EPC1: variants seen among roughly 807,000 people sequenced by gnomAD.
EPC1 encodes enhancer of polycomb homolog 1.
A neutral mutation model predicts 98.4 loss-of-function variants in EPC1; 12 were observed. The observed-to-expected ratio is 0.12, with a 90% CI of 0.08 to 0.20. EPC1 has a LOEUF of 0.20. EPC1 is among the 10% of genes least tolerant of loss of function. The pLI, the probability that EPC1 is intolerant of heterozygous loss-of-function variation, is 1.00. For missense variants in EPC1, 729 were observed against 990.5 expected (o/e 0.74, Z 3.54); for synonymous variants, 357 against 363.9 (o/e 0.98, Z 0.21).
At chr10:32,318,101 A>G (rs1454131348) in intron 1 of EPC1, among the ~76,000 whole-genome samples, 4 of 152,154 alleles carry the variant, frequency 2.6e-5, no homozygotes, top group African/African-American at 9.7e-5. Context: ...GCCCAGTGTG[A>G]TGTGTGACAA....
chr10:32,357,581 CT>C (rs1376658601), intron 1 of EPC1, among the ~76,000 whole-genome samples: 2 of 152,168 alleles, frequency 1.3e-5, no homozygotes, highest in Admixed American at 1.3e-4. Context: ...CTGCCTCAGC[CT>C]TCAGTAGCTG....
At chr10:32,306,430 T>C (rs914368878) in intron 1 of EPC1, among the ~76,000 whole-genome samples, 1 of 152,166 alleles carries the variant, frequency 6.6e-6, no homozygotes, top group Non-Finnish European at 1.5e-5. Flanking sequence ...ACTGACAGAC[T>C]CAAATCCTGG....
chr10:32,286,411 C>T, intron 9 of EPC1: 1 of 434,584 alleles, frequency 2.3e-6, no homozygotes. Flanking sequence ...TTGTCTTCAT[C>T]TGTTGCCCTT....
intron 13 of EPC1, among the ~76,000 whole-genome samples, chr10:32,270,609 G>A (rs1238598503): frequency 6.6e-6 from 1 of 152,056 alleles, no homozygotes; most frequent in Non-Finnish European, 1.5e-5. Context: ...CTGACCACCT[G>A]AGGTCAGGGG....
intron 1 of EPC1, among the ~76,000 whole-genome samples, chr10:32,360,383 G>A (rs1439556788): frequency 1.3e-5 from 2 of 152,182 alleles, no homozygotes; most frequent in Non-Finnish European, 2.9e-5. Context: ...AGCTCCCAGG[G>A]GGTCAAGGCC....
intron 1 of EPC1, among the ~76,000 whole-genome samples, chr10:32,318,368 C>A (rs1285874980): frequency 6.6e-6 from 1 of 152,104 alleles, no homozygotes; most frequent in East Asian, 1.9e-4. Flanking sequence ...TCTAAAAGTG[C>A]TTATATAATC....
At chr10:32,331,695 A>G (rs952259135) in intron 1 of EPC1, among the ~76,000 whole-genome samples, 1 of 152,254 alleles carries the variant, frequency 6.6e-6, no homozygotes, top group East Asian at 1.9e-4. Context: ...TTTATTTACC[A>G]TGTGAATTAT....
At chr10:32,314,044 A>C (rs1369513494) in intron 1 of EPC1, among the ~76,000 whole-genome samples, 1 of 152,200 alleles carries the variant, frequency 6.6e-6, no homozygotes, top group Non-Finnish European at 1.5e-5. Context: ...TTCACAATTA[A>C]TTGCTGTAAC....
intron 1 of EPC1, among the ~76,000 whole-genome samples, chr10:32,365,683 T>G (rs1325079458): frequency 2.0e-5 from 3 of 147,838 alleles, no homozygotes; most frequent in Admixed American, 1.4e-4. Flanking sequence ...TGGCTGGGCA[T>G]AGTGGTGCAC....
chr10:32,285,891 A>G (rs1836655467), intron 9 of EPC1: 1 of 152,188 alleles, frequency 6.6e-6, no homozygotes, highest in African/African-American at 2.4e-5. Context: ...ACTGCTCCTG[A>G]TGTCAGCAGT....
At chr10:32,343,957 C>T (rs1431065396) in intron 1 of EPC1, among the ~76,000 whole-genome samples, 1 of 152,080 alleles carries the variant, frequency 6.6e-6, no homozygotes, top group Non-Finnish European at 1.5e-5. Flanking sequence ...AAAAAAACTG[C>T]CCTCACCTTT....
chr10:32,353,644 T>C (rs1161011659), intron 1 of EPC1, among the ~76,000 whole-genome samples: 1 of 152,210 alleles, frequency 6.6e-6, no homozygotes, highest in Non-Finnish European at 1.5e-5. Context: ...GGTCTCTACA[T>C]CCTCACGGGA....
intron 1 of EPC1, among the ~76,000 whole-genome samples, chr10:32,315,141 T>A (rs1313737183): frequency 6.6e-6 from 1 of 152,208 alleles, no homozygotes; most frequent in Admixed American, 6.5e-5. Context: ...GGACTGTAAA[T>A]CTTTTAAGGT....
intron 6 of EPC1, among the ~76,000 whole-genome samples, chr10:32,289,913 C>T (rs144535242): frequency 2.6e-4 from 39 of 152,232 alleles, no homozygotes; most frequent in Non-Finnish European, 4.4e-4. Flanking sequence ...CATGAACCAC[C>T]GTGCCCGGCC....
At chr10:32,314,723 C>T (rs1371353739) in intron 1 of EPC1, among the ~76,000 whole-genome samples, 1 of 152,056 alleles carries the variant, frequency 6.6e-6, no homozygotes, top group Non-Finnish European at 1.5e-5. Flanking sequence ...GTTAAGAAGC[C>T]AGAAATATTT....
At chr10:32,368,071 C>T (rs1564569481) in intron 1 of EPC1, among the ~76,000 whole-genome samples, 1 of 152,320 alleles carries the variant, frequency 6.6e-6, no homozygotes, top group East Asian at 1.9e-4. Context: ...CTTCTCTTTA[C>T]TCCGCCATCA....
chr10:32,290,762 A>T (rs901766548), intron 6 of EPC1, among the ~76,000 whole-genome samples: 1 of 151,198 alleles, frequency 6.6e-6, no homozygotes, highest in African/African-American at 2.4e-5. Flanking sequence ...TGGGGTATAT[A>T]TGTATTTTTC....
Position 32,305,482 on chromosome 10 carries a change from A to G in EPC1, c.313+290T>C, listed in dbSNP as rs552319063. 9.3e-4 allele frequency among the ~76,000 whole-genome samples: 137 copies of G among 147,910 alleles called. 1 individual carries two copies. The highest frequency in any genetic ancestry group is 3.2e-3 in the African/African-American group (134 of 41,248). The stretch of plus-strand genomic sequence containing the variant: ...ATATTATTAATTCTAAACAGGAAGA[A>G]AACTATTTCTATATCTGAGTTTTTT... On this transcript the variant is annotated intron_variant, in intron 2 of 13. Transcript: ENST00000319778.
chr10:32,354,058 CTGAG>C (rs1839201017), intron 1 of EPC1, among the ~76,000 whole-genome samples: 1 of 152,134 alleles, frequency 6.6e-6, no homozygotes, highest in Non-Finnish European at 1.5e-5. Flanking sequence ...GATTTCCTTA[CTGAG>C]TAATTTGTGC....
Sources: gnomAD v4.1 joint callset for allele counts (sites outside exome capture counted in the v4.1 genomes callset) on GRCh38, gnomAD v4.1.1 for gene constraint, MANE v1.5 for transcripts, NCBI Gene and HGNC (gene_info 2026-07-23, HGNC 2026-07-21) for gene names.